Variants in ABCA13 observed in about 807,000 individuals in gnomAD.
ABCA13 encodes the protein ATP-binding cassette sub-family A member 13.
Under a neutral mutation model 478.7 loss-of-function variants are expected in ABCA13, and 476 were observed. The observed-to-expected ratio is 0.99, with a 90% CI of 0.92 to 1.07. The LOEUF (loss-of-function observed/expected upper bound fraction) is 1.07, where lower values mean the gene tolerates loss of function less well. Ranked by LOEUF, ABCA13 falls within the 50% of genes least tolerant of loss-of-function variation. The pLI is 0.00. For synonymous variants in ABCA13, 2,252 were observed against 2,158.9 expected, an observed-to-expected ratio of 1.04 and a Z score of -1.20; for missense variants, 6,060 against 5,910.6, an observed-to-expected ratio of 1.03 and a Z score of -0.83.
At chr7:48,293,403 T>A (rs1334467733) in intron 20 of ABCA13, among the ~76,000 whole-genome samples, 2 of 152,244 alleles carry the variant, frequency 1.3e-5, no homozygotes, top group East Asian at 1.9e-4. Context: ...AAAAAAATAT[T>A]CAAAGTTTTA....
chr7:48,416,678 C>T (rs762143434), intron 41 of ABCA13, among the ~76,000 whole-genome samples: 18 of 152,106 alleles, frequency 1.2e-4, no homozygotes, highest in Non-Finnish European at 2.6e-4. Context: ...AAGCCTCCTG[C>T]AGGCGCTCCC....
In ABCA13 at chr7:48,278,220, T is replaced by A; in HGVS notation, c.7026T>A (p.Ser2342Arg). The A allele has an allele frequency of 6.2e-7, 1 of 1,605,734 alleles. No homozygotes were observed. Among genetic ancestry groups the A allele is most frequent in the Non-Finnish European group, 8.5e-7 (1 of 1,175,194 alleles). Residue 2342 changes from serine (S) to arginine (R), a missense_variant, in exon 18 of 62, where the codon AGT becomes AGA. By Grantham distance (110) the Ser-to-Arg change is moderately radical (BLOSUM62 -1). Coordinates refer to ENST00000435803, the MANE Select transcript of ABCA13 (RefSeq NM_152701.5). ...AGACTATATATCACCTAATGAAAAG[T>A]TCATTTATATTAGACAATGGAGAAT... ...LKETIYHLMK[S>R]SFILDNGEFY...
intron 26 of ABCA13, 100 bp from the exon 27 acceptor site, chr7:48,317,057 T>A: frequency 7.2e-7 from 1 of 1,396,400 alleles, no homozygotes; most frequent in Non-Finnish European, 9.6e-7. Flanking sequence ...AATATGGCTG[T>A]CATTGAAAAT....
intron 60 of ABCA13, among the ~76,000 whole-genome samples, chr7:48,644,265 G>T (rs1159690116): frequency 2.4e-4 from 36 of 152,128 alleles, no homozygotes; most frequent in Admixed American, 2.4e-3. Flanking sequence ...ATAAGCCCAA[G>T]TCCCAGTGTA....
At chr7:48,607,647 G>T (rs930817082) in intron 58 of ABCA13, among the ~76,000 whole-genome samples, 1 of 151,990 alleles carries the variant, frequency 6.6e-6, no homozygotes, top group Non-Finnish European at 1.5e-5. Flanking sequence ...CCCAGTTATG[G>T]GGAGAAACTT....
chr7:48,372,107 G>T, intron 32 of ABCA13, 61 bp from the exon 33 acceptor site: 5 of 1,465,606 alleles, frequency 3.4e-6, no homozygotes, highest in Non-Finnish European at 4.6e-6. Context: ...CCTACCATCT[G>T]ATTTGTTCTT....
At chr7:48,329,000 C>T (rs182138415) in intron 27 of ABCA13, among the ~76,000 whole-genome samples, 12 of 152,190 alleles carry the variant, frequency 7.9e-5, no homozygotes, top group African/African-American at 2.2e-4. Context: ...GACAGCTATT[C>T]GCACATGCAA....
chr7:48,198,027 T>C (rs1427611713), intron 2 of ABCA13, among the ~76,000 whole-genome samples: 1 of 152,166 alleles, frequency 6.6e-6, no homozygotes, highest in African/African-American at 2.4e-5. Flanking sequence ...CCTTGAAACA[T>C]GAGTACTGAC....
chr7:48,262,765 G>A (rs554187943), intron 15 of ABCA13, among the ~76,000 whole-genome samples: 1 of 152,042 alleles, frequency 6.6e-6, no homozygotes, highest in South Asian at 2.1e-4. Context: ...GGTGTACAGA[G>A]CAGATAACAA....
intron 2 of ABCA13, among the ~76,000 whole-genome samples, chr7:48,196,698 C>G (rs1377065689): frequency 6.6e-6 from 1 of 152,106 alleles, no homozygotes; most frequent in African/African-American, 2.4e-5. Flanking sequence ...GGCTGAAGTC[C>G]TCAGTCTCTG....
At chr7:48,516,464 G>A (rs1832119722) in intron 51 of ABCA13, among the ~76,000 whole-genome samples, 1 of 152,096 alleles carries the variant, frequency 6.6e-6, no homozygotes, top group African/African-American at 2.4e-5. Flanking sequence ...TGGCCCCAAA[G>A]TGCTAGAGTA....
intron 24 of ABCA13, among the ~76,000 whole-genome samples, chr7:48,310,993 T>C (rs966437060): frequency 6.6e-6 from 1 of 152,092 alleles, no homozygotes; most frequent in African/African-American, 2.4e-5. Context: ...GAATCTTTAC[T>C]TAAGTTTCCA....
chr7:48,179,704 A>C (rs1355627112), intron 1 of ABCA13, among the ~76,000 whole-genome samples: 1 of 152,162 alleles, frequency 6.6e-6, no homozygotes, highest in Non-Finnish European at 1.5e-5. Flanking sequence ...CAGAATGATG[A>C]GTGTCAGCTC....
intron 55 of ABCA13, among the ~76,000 whole-genome samples, chr7:48,539,312 T>C (rs1002243004): frequency 2.0e-5 from 3 of 149,722 alleles, no homozygotes; most frequent in Non-Finnish European, 4.4e-5. Context: ...AGCTGGTCTT[T>C]AGTCTTTTTT....
At chr7:48,246,943 A>G (rs149611918) in intron 13 of ABCA13, among the ~76,000 whole-genome samples, 274 of 152,196 alleles carry the variant, frequency 1.8e-3, no homozygotes, top group Non-Finnish European at 2.7e-3. Flanking sequence ...GCAGAAAATT[A>G]TATGTGAAGG....
At chr7:48,611,252 A>C (rs1321567075) in intron 58 of ABCA13, among the ~76,000 whole-genome samples, 5 of 152,158 alleles carry the variant, frequency 3.3e-5, no homozygotes, top group African/African-American at 9.7e-5. Context: ...CTGTATCACT[A>C]TCAGCATTTT....
intron 58 of ABCA13, among the ~76,000 whole-genome samples, chr7:48,603,163 T>G (rs1180707608): frequency 6.6e-6 from 1 of 152,314 alleles, no homozygotes; most frequent in Middle Eastern, 3.4e-3. Flanking sequence ...TATATAGTCA[T>G]GTCAACTGCA....
chr7:48,304,677 A>G (rs80127725), intron 23 of ABCA13, among the ~76,000 whole-genome samples: 327 of 152,330 alleles, frequency 2.1e-3, no homozygotes, highest in African/African-American at 7.4e-3. Context: ...CACTATGCTC[A>G]CTACCTGGGT....
At chr7:48,202,943 C>A (rs1194348909) in intron 3 of ABCA13, among the ~76,000 whole-genome samples, 2 of 152,228 alleles carry the variant, frequency 1.3e-5, no homozygotes, top group African/African-American at 4.8e-5. Flanking sequence ...GTCGATGGGA[C>A]TGGGCGCCGT....
Sources: gnomAD v4.1 joint callset for allele counts (sites outside exome capture counted in the v4.1 genomes callset) on GRCh38, gnomAD v4.1.1 for gene constraint, MANE v1.5 for transcripts, NCBI Gene and HGNC (gene_info 2026-07-23, HGNC 2026-07-21) for gene names.